COL4A5: variants seen among roughly 807,000 people sequenced by gnomAD.
COL4A5 encodes collagen alpha-5(IV) chain.
Under a neutral mutation model 130.2 loss-of-function variants are expected in COL4A5, and 26 were observed. That is an observed-to-expected ratio of 0.20 (90% CI 0.15 to 0.28). The LOEUF (loss-of-function observed/expected upper bound fraction) is 0.28, where lower values mean the gene tolerates loss of function less well. COL4A5 is among the 10% of genes least tolerant of loss of function. The pLI, the probability that COL4A5 is intolerant of heterozygous loss-of-function variation, is 1.00. For synonymous variants in COL4A5, 496 were observed against 439.6 expected (o/e 1.13, Z -1.60); for missense variants, 1,131 against 1,344.3 (o/e 0.84, Z 2.48).
chrX:108,676,173 C>T (rs752117269), intron 43 of COL4A5, among the ~76,000 whole-genome samples: 49 of 112,260 alleles, frequency 4.4e-4, no homozygotes, highest in South Asian at 1.1e-3. Context: ...TAAGAATGAA[C>T]TCTATTCTAA....
intron 1 of COL4A5, among the ~76,000 whole-genome samples, chrX:108,493,977 CTTTG>C (rs1444477252): frequency 9.0e-6 from 1 of 111,312 alleles, no homozygotes; most frequent in African/African-American, 3.3e-5. Flanking sequence ...GCTTTGGTAA[CTTTG>C]TTTATTTTGA....
intron 36 of COL4A5, among the ~76,000 whole-genome samples, chrX:108,642,446 C>T (rs1469331512): frequency 9.0e-6 from 1 of 111,315 alleles, no homozygotes; most frequent in Admixed American, 9.6e-5. Flanking sequence ...CAAAATAGAG[C>T]ATTAAACCAC....
intron 25 of COL4A5, among the ~76,000 whole-genome samples, chrX:108,599,600 C>T (rs1199549181): frequency 9.0e-6 from 1 of 111,122 alleles, no homozygotes; most frequent in Non-Finnish European, 1.9e-5. Flanking sequence ...TAGATAGATC[C>T]CTATATCTCC....
intron 36 of COL4A5, among the ~76,000 whole-genome samples, chrX:108,654,819 A>G (rs376267924): frequency 8.9e-6 from 1 of 112,304 alleles, no homozygotes; most frequent in East Asian, 2.8e-4. Context: ...AGAACGTACT[A>G]TAGCTTTTGG....
rs770829764 is a variant in COL4A5 at position 108,661,771 on chromosome X, G to A, written c.3374-3736G>A. On this transcript the variant is annotated intron_variant, in intron 37 of 52. Coordinates refer to ENST00000328300, the MANE Select transcript of COL4A5 (RefSeq NM_033380.3). ...CCTGGTATCAACTTGATCCTGCAGT[G>A]ATGGAGTTTTAGATTTTGTTATAGC... Among the ~76,000 whole-genome samples, 6 of 111,341 alleles carry A rather than the reference G, an allele frequency of 5.4e-5. No homozygotes were observed. The East Asian group carries it at 1.7e-3, about 31-fold the overall frequency.
chrX:108,643,978 C>T (rs762769251), intron 36 of COL4A5, among the ~76,000 whole-genome samples: 1 of 111,992 alleles, frequency 8.9e-6, no homozygotes, highest in East Asian at 2.8e-4. Context: ...AACCAATGAT[C>T]TGCTGCCTTC....
At chrX:108,587,711 G>A (rs991584990) in intron 19 of COL4A5, among the ~76,000 whole-genome samples, 3 of 110,955 alleles carry the variant, frequency 2.7e-5, no homozygotes, top group African/African-American at 9.8e-5. Flanking sequence ...TTTTCATAAT[G>A]GTTGCATTAA....
chrX:108,576,095 C>T (rs2066145473), intron 10 of COL4A5, 123 bp downstream of exon 10: 2 of 499,474 alleles, frequency 4.0e-6, no homozygotes, highest in African/African-American at 4.9e-5. Flanking sequence ...TTATAATTTT[C>T]TTATGTAAAG....
At chrX:108,577,231 G>T (rs1178265285) in intron 10 of COL4A5, among the ~76,000 whole-genome samples, 1 of 108,339 alleles carries the variant, frequency 9.2e-6, no homozygotes, top group East Asian at 2.9e-4. Context: ...AATTAGCCAG[G>T]CATGATGGCA....
rs779279820 is a variant in COL4A5 at position 108,680,798 on chromosome X, G to A, written c.4015+47G>A. ...GTTTCCCTTTATATTAAACTCCTCT[G>A]GGACAAGATAGCCATTTTCTGATTT... On this transcript the variant is annotated intron_variant, in intron 45 of 52. Coordinates refer to ENST00000328300, the MANE Select transcript of COL4A5 (RefSeq NM_033380.3). The A allele has an allele frequency of 2.5e-6, 3 of 1,184,338 alleles. No individual in the cohort carries two copies. In the East Asian group the frequency reaches 8.9e-5, roughly 35 times the overall value.
In COL4A5 at chrX:108,440,173, C is replaced by A; in HGVS notation, c.48C>A (p.Ala16=). ...VSLAAGLFLL[A]LSLWGQPAEA... ...TGGCTGCCGGCTTGTTCTTACTGGC[C>A]CTGAGTCTTTGGGGGCAGCCTGCAG... Residue 16 remains alanine (A), a synonymous_variant, in exon 1 of 53, where the codon GCC becomes GCA. Transcript: ENST00000328300. 8.3e-7 allele frequency: 1 copy of A among 1,208,387 alleles called. No individual in the cohort carries two copies.
intron 35 of COL4A5, 109 bp downstream of exon 35, chrX:108,625,903 A>G: frequency 6.7e-6 from 4 of 592,742 alleles, no homozygotes; most frequent in Non-Finnish European, 1.1e-5. Flanking sequence ...GACTGAAACG[A>G]TATCTGAGGT....
chrX:108,676,499 G>A (rs749513582), intron 43 of COL4A5, among the ~76,000 whole-genome samples: 1 of 111,452 alleles, frequency 9.0e-6, no homozygotes, highest in African/African-American at 3.3e-5. Context: ...TAAAAACACA[G>A]CAAAAGTAAA....
chrX:108,641,607 C>T (rs966703865), intron 36 of COL4A5, among the ~76,000 whole-genome samples: 2 of 112,016 alleles, frequency 1.8e-5, no homozygotes, highest in Non-Finnish European at 3.8e-5. Flanking sequence ...CCTTCTCTCC[C>T]AAATACACAC....
At chrX:108,669,572 TCTC>T (rs2068155714) in intron 41 of COL4A5, among the ~76,000 whole-genome samples, 1 of 111,936 alleles carries the variant, frequency 8.9e-6, no homozygotes, top group South Asian at 3.7e-4. Flanking sequence ...CCAGTGAAAA[TCTC>T]CTCAGCCATG....
chrX:108,583,266 G>A (rs1038350755), intron 17 of COL4A5, among the ~76,000 whole-genome samples: 6 of 111,829 alleles, frequency 5.4e-5, no homozygotes, highest in African/African-American at 1.9e-4. Flanking sequence ...CACTATTTTA[G>A]TGAGGTCCTC....
chrX:108,461,819 T>C (rs998953568), intron 1 of COL4A5, among the ~76,000 whole-genome samples: 1 of 111,757 alleles, frequency 8.9e-6, no homozygotes, highest in Non-Finnish European at 1.9e-5. Flanking sequence ...GGTCTCGAAC[T>C]CCTGAACTCA....
At chrX:108,529,516 C>T (rs764438017) in intron 1 of COL4A5, among the ~76,000 whole-genome samples, 96 of 110,897 alleles carry the variant, frequency 8.7e-4, no homozygotes, top group Non-Finnish European at 4.7e-4. Flanking sequence ...AACCAGAAAA[C>T]CATTAACAAA....
chrX:108,557,137 T>C (rs2065833951), intron 2 of COL4A5, among the ~76,000 whole-genome samples: 2 of 111,028 alleles, frequency 1.8e-5, no homozygotes, highest in African/African-American at 6.5e-5. Context: ...ATGCTGTAAA[T>C]ACCAGCTGAG....
Sources: gnomAD v4.1 joint callset for allele counts (sites outside exome capture counted in the v4.1 genomes callset) on GRCh38, gnomAD v4.1.1 for gene constraint, MANE v1.5 for transcripts, NCBI Gene and HGNC (gene_info 2026-07-23, HGNC 2026-07-21) for gene names.